Variants in PRKCQ observed in about 807,000 individuals in gnomAD.
PRKCQ encodes the protein protein kinase C theta type.
In PRKCQ, 41 loss-of-function variants were observed where a neutral mutation model predicts 91.2. The observed-to-expected ratio is 0.45, with a 90% CI of 0.35 to 0.58. The LOEUF (loss-of-function observed/expected upper bound fraction) is 0.58, where lower values mean the gene tolerates loss of function less well. Ranked by LOEUF, PRKCQ falls within the 20% of genes least tolerant of loss-of-function variation. The pLI is 0.00. For synonymous variants in PRKCQ, 307 were observed against 316.9 expected (o/e 0.97, Z 0.33); for missense variants, 673 against 896.5 (o/e 0.75, Z 3.18).
chr10:6,570,639 C>A (rs976169097), intron 1 of PRKCQ, among the ~76,000 whole-genome samples: 7 of 151,310 alleles, frequency 4.6e-5, no homozygotes, highest in Non-Finnish European at 8.8e-5. Flanking sequence ...ACTGCAACCT[C>A]TGTCTCCTGG....
intron 1 of PRKCQ, among the ~76,000 whole-genome samples, chr10:6,536,487 A>G (rs78345646): frequency 1.5e-3 from 221 of 151,860 alleles, no homozygotes; most frequent in African/African-American, 4.9e-3. Flanking sequence ...ATAAGACTTT[A>G]GTAAGAAGCA....
intron 1 of PRKCQ, among the ~76,000 whole-genome samples, chr10:6,574,101 G>A (rs899537239): frequency 2.0e-5 from 3 of 152,184 alleles, no homozygotes; most frequent in Non-Finnish European, 4.4e-5. Flanking sequence ...GGGCGACAGA[G>A]CAAGACCCCG....
chr10:6,497,356 C>A lies in PRKCQ; in HGVS notation c.543-105G>T. On this transcript the variant is annotated intron_variant, in intron 5 of 17. Transcript: ENST00000263125. This position sits in a 1 kb window ranked among gnomAD's most constrained non-coding sequence, Gnocchi z 4.5. ...CTCATAACCCCCTAAGATCACAGAG[C>A]AGTTTCTGATCAGCAGCCCTGTTGT... 7.5e-7 allele frequency: 1 copy of A among 1,338,370 alleles called. No homozygotes were observed. Among genetic ancestry groups the A allele is most frequent in the South Asian group, 1.2e-5 (1 of 83,994 alleles). The allele number at this position is 1,338,370 out of a possible 1,614,324, so 82.9% of individuals were successfully genotyped here.
chr10:6,451,210 A>T (rs1353884753), intron 15 of PRKCQ, among the ~76,000 whole-genome samples: 2 of 149,132 alleles, frequency 1.3e-5, no homozygotes, highest in Non-Finnish European at 3.0e-5. Flanking sequence ...AGAGAGAAGA[A>T]TCATATAAAC....
At chr10:6,409,833 T>A in the PRKCQ span, among the ~76,000 whole-genome samples, 2 of 152,324 alleles carry the variant, frequency 1.3e-5, no homozygotes, top group South Asian at 4.1e-4. Flanking sequence ...AGAATTAAGA[T>A]AGCAAGCTAA....
downstream of PRKCQ, among the ~76,000 whole-genome samples, chr10:6,422,841 T>C (rs111630398): frequency 5.8e-4 from 88 of 152,330 alleles, 1 homozygote; most frequent in Non-Finnish European, 1.1e-3. Flanking sequence ...ATTTCCTTCC[T>C]GTCCTCATGG....
chr10:6,483,901 T>C (rs1270741450), intron 10 of PRKCQ, among the ~76,000 whole-genome samples: 1 of 152,216 alleles, frequency 6.6e-6, no homozygotes, highest in African/African-American at 2.4e-5. Context: ...AAAGACCATA[T>C]ATGCAAAATA....
intron 1 of PRKCQ, among the ~76,000 whole-genome samples, chr10:6,548,699 T>C (rs1276609526): frequency 8.4e-6 from 1 of 118,396 alleles, no homozygotes; most frequent in Non-Finnish European, 1.6e-5. Context: ...CACATGGACA[T>C]AGGAAGGGGA....
In PRKCQ at chr10:6,576,129, A is replaced by G. The variant is rs77273116; in HGVS notation, c.-10+4082T>C. 0.033 allele frequency among the ~76,000 whole-genome samples: 4,993 copies of G among 152,320 alleles called. 113 individuals are homozygous for G. Among genetic ancestry groups the G allele is most frequent in the South Asian group, 0.1 (489 of 4,828 alleles). On this transcript the variant is annotated intron_variant, in intron 1 of 17. Coordinates refer to ENST00000263125, the MANE Select transcript of PRKCQ (RefSeq NM_006257.5). This position sits in a 1 kb window ranked among gnomAD's most constrained non-coding sequence, Gnocchi z 4.2. ...GGTGGGAATGTAAAACGGTCCAGCC[A>G]CTGTGGAAAACAATATGGCAGTTCC...
chr10:6,402,419 T>C, the PRKCQ span, among the ~76,000 whole-genome samples: 59 of 139,100 alleles, frequency 4.2e-4, no homozygotes, highest in Non-Finnish European at 7.8e-4. Context: ...TTCCTTCCGC[T>C]CTTTCCTCCC....
At chr10:6,525,533 G>A (rs1024326422) in intron 1 of PRKCQ, among the ~76,000 whole-genome samples, 1 of 152,224 alleles carries the variant, frequency 6.6e-6, no homozygotes, top group Non-Finnish European at 1.5e-5. Flanking sequence ...TGCTCTCTGT[G>A]GGGTCATTAC....
chr10:6,573,846 G>A (rs1284782623), intron 1 of PRKCQ, among the ~76,000 whole-genome samples: 3 of 152,234 alleles, frequency 2.0e-5, no homozygotes, highest in Non-Finnish European at 4.4e-5. Flanking sequence ...GCCAGGTGTG[G>A]TGGCTCATGT....
At chr10:6,564,123 G>A (rs1010063787) in intron 1 of PRKCQ, among the ~76,000 whole-genome samples, 1 of 152,150 alleles carries the variant, frequency 6.6e-6, no homozygotes, top group Admixed American at 6.5e-5. Flanking sequence ...GCACAGGCTG[G>A]GAAGAACTCA....
chr10:6,482,582 G>A (rs572507071), intron 11 of PRKCQ, among the ~76,000 whole-genome samples: 23 of 152,264 alleles, frequency 1.5e-4, no homozygotes, highest in Admixed American at 4.6e-4. Context: ...CCAGACCTGC[G>A]AGAACATGAA....
intron 1 of PRKCQ, among the ~76,000 whole-genome samples, chr10:6,526,995 C>A (rs1839223567): frequency 6.6e-6 from 1 of 152,100 alleles, no homozygotes; most frequent in South Asian, 2.1e-4. Context: ...TACCAAGCCA[C>A]TGAAGATGAG....
chr10:6,526,442 TCCCA>T (rs1839199693), intron 1 of PRKCQ, among the ~76,000 whole-genome samples: 1 of 151,448 alleles, frequency 6.6e-6, no homozygotes, highest in Non-Finnish European at 1.5e-5. Flanking sequence ...ACCAGGTGAC[TCCCA>T]TGAAACAAAC....
At chr10:6,475,009 C>T (rs1836197414) in intron 12 of PRKCQ, among the ~76,000 whole-genome samples, 1 of 152,072 alleles carries the variant, frequency 6.6e-6, no homozygotes, top group Non-Finnish European at 1.5e-5. Context: ...GAAAGAAGAG[C>T]TAGCCCTTCT....
chr10:6,514,955 A>G, intron 2 of PRKCQ, 63 bp downstream of exon 2: 1 of 1,608,304 alleles, frequency 6.2e-7, no homozygotes, highest in Non-Finnish European at 8.5e-7. Context: ...ACCTTGCTTC[A>G]TACACAGTTC....
Position 6,498,529 on chromosome 10 carries a change from C to G in PRKCQ, c.409G>C (p.Glu137Gln). The G allele has an allele frequency of 1.2e-6, 2 of 1,614,068 alleles. No individual in the cohort carries two copies. The highest frequency in any genetic ancestry group is 1.7e-6 in the Non-Finnish European group (2 of 1,179,998). The stretch of plus-strand genomic sequence containing the variant: ...CGCTGATGCAAAGCAAAGAAGCCTT[C>G]CGTCTCAAATTCATTCATGTCCTTT... ...DTKDMNEFET[E>Q]GFFALHQRRG... The change falls in exon 5 of 18, where the codon GAA becomes CAA. Residue 137 changes from glutamate to glutamine, a missense_variant. By Grantham distance (29) the Glu-to-Gln change is conservative (BLOSUM62 2). Transcript: ENST00000263125.
Sources: allele counts gnomAD v4.1 joint callset (sites outside exome capture counted in the v4.1 genomes callset), GRCh38; gene constraint gnomAD v4.1.1; non-coding constraint Gnocchi (gnomAD v3.1); transcripts MANE v1.5; gene names NCBI Gene and HGNC (gene_info 2026-07-23, HGNC 2026-07-21).